Variants in ACIN1 observed in about 807,000 individuals in gnomAD.
ACIN1 encodes apoptotic chromatin condensation inducer 1.
A neutral mutation model predicts 146.6 loss-of-function variants in ACIN1; 16 were observed. The ratio of observed to expected loss-of-function variants is 0.11; its 90% CI spans 0.07 to 0.17. The LOEUF is 0.17. Ranked by LOEUF, ACIN1 falls within the 10% of genes least tolerant of loss-of-function variation. The pLI, the probability that ACIN1 is intolerant of heterozygous loss-of-function variation, is 1.00. For synonymous variants in ACIN1, 569 were observed against 582.7 expected, an observed-to-expected ratio of 0.98 and a Z score of 0.34; for missense variants, 1,357 against 1,609.3, an observed-to-expected ratio of 0.84 and a Z score of 2.68.
chr14:23,076,917 A>G (rs2047816615), intron 8 of ACIN1, among the ~76,000 whole-genome samples: 1 of 152,222 alleles, frequency 6.6e-6, no homozygotes, highest in Non-Finnish European at 1.5e-5. Context: ...GTCCCAGAAG[A>G]AAAACCCTTT....
rs1198815997 is a variant in ACIN1 at position 23,069,148 on chromosome 14, CAGG to C, written c.2265+325_2265+327del. The C allele has an allele frequency of 2.3e-5, 24 of 1,037,252 alleles. No individual in the cohort carries two copies. In the African/African-American group the frequency reaches 4.0e-4, roughly 17 times the overall value. 64.3% of individuals were successfully genotyped at this position (1,037,252 alleles called of 1,614,324 possible). ...GAGGGAAAGCTAAAGGAGTTACCAC[CAGG>C]AGAAGCTTGGGAAGACAGCAGGAAA... On this transcript the variant is annotated intron_variant, in intron 9 of 18. Coordinates refer to ENST00000605057, the MANE Select transcript of ACIN1 (RefSeq NM_001386863.1).
chr14:23,094,723 A>G (rs2048327709), intron 1 of ACIN1: 4 of 660,382 alleles, frequency 6.1e-6, no homozygotes, highest in Non-Finnish European at 7.1e-6. Context: ...AGGAGGAAGG[A>G]GCTTAAGACA....
chr14:23,090,607 A>G lies in ACIN1; in HGVS notation c.231T>C (p.Ser77=). ...GCTTTTCCAGATACTGTTTTATGAA[A>G]CTGTTCTGGCTCATTTCCTCACCAA... The part of the protein sequence containing the change: ...SQIGEEMSQN[S]FIKQYLEKQQ... The change falls in exon 3 of 19, where the codon AGT becomes AGC. Residue 77 remains serine, a synonymous_variant. Transcript: ENST00000605057. The G allele has an allele frequency of 1.9e-6, 3 of 1,613,976 alleles. No individual in the cohort carries two copies. Among genetic ancestry groups the G allele is most frequent in the South Asian group, 2.2e-5 (2 of 91,066 alleles).
intron 4 of ACIN1, among the ~76,000 whole-genome samples, chr14:23,085,942 A>G (rs1410912872): frequency 1.3e-5 from 2 of 152,260 alleles, no homozygotes; most frequent in Non-Finnish European, 2.9e-5. Context: ...AGAAAGGAAA[A>G]GGCAGTTGCT....
At chr14:23,085,248 C>T (rs143798599) in intron 4 of ACIN1, among the ~76,000 whole-genome samples, 5,647 of 151,980 alleles carry the variant, frequency 0.037, 297 homozygotes, top group African/African-American at 0.12. Flanking sequence ...GGCAGGAGAA[C>T]GGCGTGAACC....
chr14:23,077,545 TAAAG>T (rs2047831836), intron 8 of ACIN1, among the ~76,000 whole-genome samples: 1 of 152,212 alleles, frequency 6.6e-6, no homozygotes, highest in African/African-American at 2.4e-5. Context: ...GGACTTAATA[TAAAG>T]ATTTTAAAAA....
chr14:23,071,308 G>T (rs1013816539), intron 8 of ACIN1: 64 of 1,505,444 alleles, frequency 4.3e-5, no homozygotes, highest in Non-Finnish European at 5.3e-5. Context: ...GATCCAGAGA[G>T]AGAAAATTGA....
intron 4 of ACIN1, among the ~76,000 whole-genome samples, chr14:23,087,757 A>G (rs1476169220): frequency 6.6e-6 from 1 of 151,920 alleles, no homozygotes; most frequent in Non-Finnish European, 1.5e-5. Context: ...CCCTCTGTGT[A>G]TCACCCTCAT....
upstream of ACIN1, chr14:23,095,510 C>T: frequency 1.7e-6 from 1 of 587,644 alleles, no homozygotes; most frequent in Non-Finnish European, 2.9e-6. Flanking sequence ...AGTGCGTGGG[C>T]TGCCGGGCTG....
At chr14:23,094,709 G>T (rs951414920) in intron 1 of ACIN1, 26 of 661,214 alleles carry the variant, frequency 3.9e-5, no homozygotes, top group Non-Finnish European at 5.4e-5. Flanking sequence ...GAGGGGGTGG[G>T]GGAAGGAGGA....
At chr14:23,062,847 A>G (rs2047331091) in intron 14 of ACIN1, 82 bp downstream of exon 14, 1 of 1,413,318 alleles carries the variant, frequency 7.1e-7, no homozygotes. Flanking sequence ...CAGTTCAACT[A>G]TGAGTGGAAC....
At chr14:23,090,986 C>T (rs1053248762) in intron 2 of ACIN1, among the ~76,000 whole-genome samples, 3 of 152,174 alleles carry the variant, frequency 2.0e-5, no homozygotes, top group Non-Finnish European at 4.4e-5. Flanking sequence ...CTCACTGCAA[C>T]CTCTGCCTCC....
chr14:23,073,079 C>G (rs1335626397), intron 8 of ACIN1, among the ~76,000 whole-genome samples: 1 of 152,242 alleles, frequency 6.6e-6, no homozygotes, highest in Non-Finnish European at 1.5e-5. Flanking sequence ...TCATCTGATG[C>G]CACCTCTGGG....
chr14:23,071,526 C>G, intron 8 of ACIN1: 1 of 1,551,356 alleles, frequency 6.4e-7, no homozygotes, highest in South Asian at 1.2e-5. Context: ...GGAGCGGCAG[C>G]GATCAGCCGG....
intron 4 of ACIN1, among the ~76,000 whole-genome samples, chr14:23,083,450 C>G (rs1021911141): frequency 6.6e-6 from 1 of 152,048 alleles, no homozygotes; most frequent in East Asian, 1.9e-4. Flanking sequence ...ATCAACTAGG[C>G]GGCCGGGCAC....
At chr14:23,094,835 C>T in intron 1 of ACIN1, 140 bp downstream of exon 1, 1 of 1,269,318 alleles carries the variant, frequency 7.9e-7, no homozygotes, top group Non-Finnish European at 1.1e-6. Context: ...CATCAACCAC[C>T]GTGCGCGCGG....
chr14:23,059,810 C>T (rs1284841138), intron 18 of ACIN1, among the ~76,000 whole-genome samples: 6 of 151,682 alleles, frequency 4.0e-5, no homozygotes, highest in Admixed American at 6.6e-5. Context: ...CCCGCGACCA[C>T]GCCCGGCTAA....
chr14:23,077,897 T>C (rs2047840999), intron 8 of ACIN1: 1 of 274,042 alleles, frequency 3.6e-6, no homozygotes, highest in Non-Finnish European at 6.9e-6. Flanking sequence ...ATTGCCTAAA[T>C]CTTAAAGGAG....
chr14:23,094,833 A>G, intron 1 of ACIN1, 142 bp downstream of exon 1: 1 of 1,256,980 alleles, frequency 8.0e-7, no homozygotes, highest in Non-Finnish European at 1.1e-6. Flanking sequence ...CTCATCAACC[A>G]CCGTGCGCGC....
Sources: gnomAD v4.1 joint callset for allele counts (sites outside exome capture counted in the v4.1 genomes callset) on GRCh38, gnomAD v4.1.1 for gene constraint, MANE v1.5 for transcripts, NCBI Gene and HGNC (gene_info 2026-07-23, HGNC 2026-07-21) for gene names.